Variants in OTUD7A observed in about 807,000 individuals in gnomAD.
The protein encoded by OTUD7A is OTU domain-containing protein 7A.
In OTUD7A, 12 loss-of-function variants were observed where a neutral mutation model predicts 65.7. The ratio of observed to expected loss-of-function variants is 0.18; its 90% CI spans 0.12 to 0.30. OTUD7A has a LOEUF of 0.30. Ranked by LOEUF, OTUD7A falls within the 10% of genes least tolerant of loss-of-function variation. OTUD7A has a pLI of 1.00. For synonymous variants in OTUD7A, 641 were observed against 586.3 expected (o/e 1.09, Z -1.35); for missense variants, 1,148 against 1,304.8 (o/e 0.88, Z 1.85).
intron 1 of OTUD7A, among the ~76,000 whole-genome samples, chr15:31,867,425 CCTT>C (rs1460570033): frequency 1.3e-5 from 2 of 152,224 alleles, no homozygotes; most frequent in East Asian, 3.9e-4. Flanking sequence ...GCAAAGTGCC[CCTT>C]CCCTCCTCCA....
intron 3 of OTUD7A, among the ~76,000 whole-genome samples, chr15:31,636,615 A>G (rs1891350005): frequency 6.6e-6 from 1 of 152,216 alleles, no homozygotes; most frequent in South Asian, 2.1e-4. Flanking sequence ...TTAGTGAGGA[A>G]GGCATTTTAA....
chr15:31,851,659 A>C (rs1350465656), intron 1 of OTUD7A, among the ~76,000 whole-genome samples: 3 of 152,136 alleles, frequency 2.0e-5, no homozygotes, highest in African/African-American at 7.2e-5. Flanking sequence ...ATTTGAACTA[A>C]TCCTTTGGGT....
chr15:31,500,799 C>T (rs1331414303), intron 10 of OTUD7A, among the ~76,000 whole-genome samples: 1 of 152,256 alleles, frequency 6.6e-6, no homozygotes, highest in African/African-American at 2.4e-5. Context: ...TGGGACCATA[C>T]CTAATGGCAG....
intron 3 of OTUD7A, among the ~76,000 whole-genome samples, chr15:31,648,593 C>T (rs1442961384): frequency 6.6e-6 from 1 of 152,138 alleles, no homozygotes; most frequent in Non-Finnish European, 1.5e-5. Context: ...GACAAAGCTT[C>T]GTCTCCTTAA....
At chr15:31,801,053 CAAAAAAAAA>C (rs772401103) in intron 1 of OTUD7A, among the ~76,000 whole-genome samples, 1 of 91,352 alleles carries the variant, frequency 1.1e-5, no homozygotes, top group African/African-American at 4.0e-5. Flanking sequence ...CCAGCAGCCT[CAAAAAAAAA>C]AAAAAAAAAA....
At chr15:31,815,442 C>A (rs983337678) in intron 1 of OTUD7A, among the ~76,000 whole-genome samples, 1 of 152,226 alleles carries the variant, frequency 6.6e-6, no homozygotes, top group African/African-American at 2.4e-5. Context: ...GGGTGATGTA[C>A]AATCATTCTG....
chr15:31,667,900 G>A (rs1042493939), intron 1 of OTUD7A, among the ~76,000 whole-genome samples: 8 of 152,124 alleles, frequency 5.3e-5, no homozygotes, highest in African/African-American at 1.7e-4. Flanking sequence ...TATCATATAT[G>A]ATGCTTAGTT....
chr15:31,680,889 A>G (rs1336016614), intron 1 of OTUD7A, among the ~76,000 whole-genome samples: 4 of 151,098 alleles, frequency 2.6e-5, no homozygotes, highest in Non-Finnish European at 5.9e-5. Flanking sequence ...CATTCTCTTC[A>G]AGTGTGGTCT....
chr15:31,851,425 A>G (rs1481667065), intron 1 of OTUD7A, among the ~76,000 whole-genome samples: 1 of 152,236 alleles, frequency 6.6e-6, no homozygotes, highest in African/African-American at 2.4e-5. Flanking sequence ...CATAGAATCA[A>G]TGTCATACAT....
intron 1 of OTUD7A, among the ~76,000 whole-genome samples, chr15:31,686,694 G>A (rs1438699502): frequency 3.9e-5 from 6 of 152,200 alleles, no homozygotes; most frequent in Non-Finnish European, 8.8e-5. Context: ...AGAGTCCTCC[G>A]GTCCTGGCAA....
intron 3 of OTUD7A, among the ~76,000 whole-genome samples, chr15:31,626,804 C>T (rs1336868635): frequency 2.6e-5 from 4 of 151,582 alleles, no homozygotes; most frequent in Non-Finnish European, 5.9e-5. Flanking sequence ...TCCAACTCCT[C>T]GCCTCAAGTG....
intron 1 of OTUD7A, among the ~76,000 whole-genome samples, chr15:31,682,116 G>T (rs1360431540): frequency 6.6e-6 from 1 of 152,132 alleles, no homozygotes; most frequent in East Asian, 1.9e-4. Context: ...TGGGGAAGAG[G>T]TATGGACAGT....
At chr15:31,730,937 T>A (rs1050737691) in intron 1 of OTUD7A, among the ~76,000 whole-genome samples, 3 of 152,184 alleles carry the variant, frequency 2.0e-5, no homozygotes, top group Admixed American at 6.5e-5. Flanking sequence ...TAGTAGCACC[T>A]TGGTCAAGTT....
chr15:31,633,041 G>T (rs1191016979), intron 3 of OTUD7A, among the ~76,000 whole-genome samples: 2 of 152,196 alleles, frequency 1.3e-5, no homozygotes, highest in East Asian at 3.9e-4. Flanking sequence ...CTTTGACTAG[G>T]AAAGGGAATT....
chr15:31,693,830 C>A, intron 1 of OTUD7A, among the ~76,000 whole-genome samples: 1 of 152,056 alleles, frequency 6.6e-6, no homozygotes, highest in Non-Finnish European at 1.5e-5. Flanking sequence ...CTAGTCATGT[C>A]CCCTACTTGC....
At chr15:31,734,276 C>T (rs542394553) in intron 1 of OTUD7A, among the ~76,000 whole-genome samples, 1 of 152,292 alleles carries the variant, frequency 6.6e-6, no homozygotes, top group Non-Finnish European at 1.5e-5. Flanking sequence ...AATGGAGAAA[C>T]ATTTCATGCT....
intron 1 of OTUD7A, among the ~76,000 whole-genome samples, chr15:31,704,640 G>A (rs79607084): frequency 1.3e-5 from 2 of 150,094 alleles, no homozygotes; most frequent in Non-Finnish European, 3.0e-5. Flanking sequence ...TTAAAGGTAC[G>A]GTGAAAATTC....
At chr15:31,797,856 G>A (rs1046969761) in intron 1 of OTUD7A, among the ~76,000 whole-genome samples, 1 of 152,164 alleles carries the variant, frequency 6.6e-6, no homozygotes, top group African/African-American at 2.4e-5. Context: ...TCCCAGTGCT[G>A]CCACAAAAAA....
chr15:31,483,685 T>C lies in OTUD7A; in HGVS notation c.2411A>G (p.Tyr804Cys). 8.6e-7 allele frequency: 1 copy of C among 1,160,870 alleles called. No homozygotes were observed. Among genetic ancestry groups the C allele is most frequent in the Non-Finnish European group, 1.1e-6 (1 of 944,254 alleles). The allele number at this position is 1,160,870 out of a possible 1,614,324, so 71.9% of individuals were successfully genotyped here. ...AVGALRPCATYPQQNRSLSSQ... is the reference protein window; with the variant it reads ...AVGALRPCATCPQQNRSLSSQ... Reference sequence around the variant, plus strand: ...CGACAGCGAGCGGTTCTGCTGCGGGTACGTGGCGCACGGCCGCAGCGCCCC... The same window carrying C: ...CGACAGCGAGCGGTTCTGCTGCGGGCACGTGGCGCACGGCCGCAGCGCCCC... The change falls in exon 13 of 13, where the codon TAC becomes TGC. Residue 804 changes from tyrosine (Y) to cysteine (C), a missense_variant. Physicochemically the swap from Tyr to Cys is radical, Grantham distance 194. This residue lies in a region of OTUD7A where 842 missense variants were observed against 769.5 expected (regional missense o/e 1.09). Coordinates refer to ENST00000307050, the MANE Select transcript of OTUD7A (RefSeq NM_001382637.1).
Sources: allele counts gnomAD v4.1 joint callset (sites outside exome capture counted in the v4.1 genomes callset), GRCh38; gene constraint gnomAD v4.1.1; regional missense constraint gnomAD v4.1.1; transcripts MANE v1.5; gene names NCBI Gene and HGNC (gene_info 2026-07-23, HGNC 2026-07-21).